Variants in ATG4C observed in about 807,000 individuals in gnomAD.
ATG4C encodes cysteine protease ATG4C.
ATG4C carries 56 observed loss-of-function variants against 57.6 expected under a neutral mutation model. The observed-to-expected ratio is 0.97, with a 90% CI of 0.78 to 1.21. The LOEUF (loss-of-function observed/expected upper bound fraction) is 1.21. Ranked by LOEUF, ATG4C falls within the 50% of genes most tolerant of loss-of-function variation. The pLI is 0.00. For synonymous variants in ATG4C, 157 were observed against 174.1 expected (o/e 0.90, Z 0.78); for missense variants, 595 against 529.8 (o/e 1.12, Z -1.21).
At chr1:62,817,220 T>A (rs1050368890) in intron 4 of ATG4C, among the ~76,000 whole-genome samples, 21 of 152,206 alleles carry the variant, frequency 1.4e-4, no homozygotes, top group African/African-American at 4.1e-4. Flanking sequence ...ATTTTTAAAA[T>A]TTTAAGAGAC....
intron 3 of ATG4C, among the ~76,000 whole-genome samples, chr1:62,810,480 T>TA (rs1166809911): frequency 3.9e-5 from 6 of 152,196 alleles, no homozygotes; most frequent in Non-Finnish European, 8.8e-5. Flanking sequence ...ATTACAGACT[T>TA]ACGGCTTTTC....
chr1:62,798,978 G>A (rs901105430), intron 1 of ATG4C, among the ~76,000 whole-genome samples: 12 of 152,164 alleles, frequency 7.9e-5, no homozygotes, highest in East Asian at 3.9e-4. Context: ...TTGTTCTGTC[G>A]TCCAGGTTGG....
chr1:62,814,188 A>G (rs887101304), intron 3 of ATG4C, among the ~76,000 whole-genome samples: 2 of 152,238 alleles, frequency 1.3e-5, no homozygotes, highest in African/African-American at 4.8e-5. Flanking sequence ...AAGACTTGGA[A>G]CCAACCCAAA....
intron 10 of ATG4C, among the ~76,000 whole-genome samples, chr1:62,849,770 C>T (rs1358285996): frequency 6.6e-6 from 1 of 151,720 alleles, no homozygotes. Context: ...CTCAGCCTCC[C>T]AAAGTGCTAG....
At chr1:62,850,467 AG>A (rs1333080576) in intron 10 of ATG4C, among the ~76,000 whole-genome samples, 1 of 152,126 alleles carries the variant, frequency 6.6e-6, no homozygotes, top group Non-Finnish European at 1.5e-5. Flanking sequence ...TCAGAGTAAA[AG>A]CCCAAACTCT....
intron 10 of ATG4C, among the ~76,000 whole-genome samples, chr1:62,850,558 C>T (rs1666473322): frequency 2.0e-5 from 3 of 151,996 alleles, no homozygotes; most frequent in Admixed American, 2.0e-4. Flanking sequence ...TACCATTTTC[C>T]CTAACTCTCT....
chr1:62,843,102 G>A (rs181978680), intron 10 of ATG4C, among the ~76,000 whole-genome samples: 11 of 151,626 alleles, frequency 7.3e-5, no homozygotes, highest in Non-Finnish European at 1.6e-4. Flanking sequence ...AAACAGTAAA[G>A]CAGTTTACTC....
rs1557961722 is a variant in ATG4C at position 62,801,989 on chromosome 1, A to G, written c.-68-1730A>G. On this transcript the variant is annotated intron_variant, in intron 1 of 10. Transcript: ENST00000317868. ...AAAAAAAAAAAAAAAAAAAAAAGAAAAAAAGAAAAGAACTACTCTCTGCTT... is the reference window on the plus strand; with the variant it reads ...AAAAAAAAAAAAAAAAAAAAAAGAAGAAAAGAAAAGAACTACTCTCTGCTT... Among the ~76,000 whole-genome samples the G allele has an allele frequency of 3.2e-3, 448 of 142,098 alleles. 9 individuals are homozygous for G. The highest frequency in any genetic ancestry group is 6.4e-3 in the African/African-American group (245 of 38,484). The allele number at this position is 142,098 out of a possible 152,430, so 93.2% of individuals were successfully genotyped here. A position where few individuals can be genotyped will look rare whatever the true frequency, so the allele number is the denominator to read the frequency against.
At chr1:62,788,286 T>C (rs1664154094) in intron 1 of ATG4C, among the ~76,000 whole-genome samples, 2 of 152,312 alleles carry the variant, frequency 1.3e-5, no homozygotes, top group Admixed American at 6.5e-5. Context: ...TTTTTCTTTT[T>C]ACTTTCAAAC....
chr1:62,852,953 C>CAGAA (rs1375683783), intron 10 of ATG4C, among the ~76,000 whole-genome samples: 1 of 152,084 alleles, frequency 6.6e-6, no homozygotes, highest in African/African-American at 2.4e-5. Context: ...TGTATTTGAT[C>CAGAA]TCCTATATTC....
At position 62,784,151 on chromosome 1, in the gene ATG4C, C is replaced by G. The variant is rs1048890672; in HGVS notation, c.-191C>G. The G allele has an allele frequency of 3.9e-5, 6 of 152,816 alleles. No homozygotes were observed. Among genetic ancestry groups the G allele is most frequent in the Non-Finnish European group, 7.3e-5 (5 of 68,220 alleles). 9.5% of individuals were successfully genotyped at this position (152,816 alleles called of 1,614,324 possible). On this transcript the variant is annotated 5_prime_UTR_variant, in exon 1 of 11. Coordinates refer to ENST00000317868, the MANE Select transcript of ATG4C (RefSeq NM_032852.4). The stretch of plus-strand genomic sequence containing the variant: ...GTGCTCAAAGTACCTGTAGCTGCGG[C>G]GCTGAGGTCGGAACGTCTGCGTGTG...
chr1:62,788,419 C>T (rs1201084876), intron 1 of ATG4C, among the ~76,000 whole-genome samples: 2 of 144,898 alleles, frequency 1.4e-5, no homozygotes, highest in East Asian at 3.9e-4. Context: ...TGCTGTTTCT[C>T]TCTCTATAAA....
intron 10 of ATG4C, among the ~76,000 whole-genome samples, chr1:62,847,832 T>A (rs1666375310): frequency 1.3e-5 from 2 of 151,888 alleles, no homozygotes; most frequent in African/African-American, 4.8e-5. Flanking sequence ...TCCGGGAGAG[T>A]TGAGAGTGGA....
chr1:62,786,731 A>G (rs6661162), intron 1 of ATG4C, among the ~76,000 whole-genome samples: 5,887 of 152,306 alleles, frequency 0.039, 391 homozygotes, highest in African/African-American at 0.14. Flanking sequence ...GTTTACCCTC[A>G]TAGAATTTAC....
At chr1:62,808,952 C>T (rs1212408389) in intron 3 of ATG4C, among the ~76,000 whole-genome samples, 2 of 152,154 alleles carry the variant, frequency 1.3e-5, no homozygotes, top group Middle Eastern at 3.4e-3. Flanking sequence ...GATTCTGAGG[C>T]AGTGTCTTGC....
chr1:62,791,107 A>G (rs1168184066), intron 1 of ATG4C, among the ~76,000 whole-genome samples: 1 of 152,208 alleles, frequency 6.6e-6, no homozygotes, highest in Non-Finnish European at 1.5e-5. Context: ...GGGGGAAAAT[A>G]TGTCTCTTAA....
In ATG4C at chr1:62,849,324, T is replaced by G. The variant is rs567872018; in HGVS notation, c.1209+7777T>G. On this transcript the variant is annotated intron_variant, in intron 10 of 10. Coordinates refer to ENST00000317868, the MANE Select transcript of ATG4C (RefSeq NM_032852.4). ...AGCTTGCCTTTGTTGTTGAAGGATA[T>G]TTTTACAGGATATAGAATTCCATGT... is the stretch of plus-strand genomic sequence containing the variant. Among the ~76,000 whole-genome samples the G allele has an allele frequency of 8.6e-4, 131 of 152,244 alleles. 1 individual carries two copies. Among genetic ancestry groups the G allele is most frequent in the South Asian group, 1.2e-3 (6 of 4,826 alleles).
At chr1:62,857,117 C>T (rs932980474) in intron 10 of ATG4C, among the ~76,000 whole-genome samples, 1 of 152,092 alleles carries the variant, frequency 6.6e-6, no homozygotes, top group African/African-American at 2.4e-5. Flanking sequence ...TTCACAGGGG[C>T]CCCCAGCCCC....
intron 4 of ATG4C, among the ~76,000 whole-genome samples, chr1:62,818,623 G>C (rs1665363312): frequency 6.6e-6 from 1 of 152,030 alleles, no homozygotes; most frequent in East Asian, 1.9e-4. Flanking sequence ...AAACATCATT[G>C]ATATTTGGCA....
Sources: allele counts gnomAD v4.1 joint callset (sites outside exome capture counted in the v4.1 genomes callset), GRCh38; gene constraint gnomAD v4.1.1; transcripts MANE v1.5; gene names NCBI Gene and HGNC (gene_info 2026-07-23, HGNC 2026-07-21).